CNTN5: variants seen among roughly 807,000 people sequenced by gnomAD.
CNTN5 encodes the protein contactin-5.
Under a neutral mutation model 129.1 loss-of-function variants are expected in CNTN5, and 77 were observed. The ratio of observed to expected loss-of-function variants is 0.60; its 90% confidence interval spans 0.50 to 0.72. The LOEUF (loss-of-function observed/expected upper bound fraction) is 0.72. Ranked by LOEUF, CNTN5 falls within the 30% of genes least tolerant of loss-of-function variation. The probability of loss-of-function intolerance (pLI) is 0.00; values close to 1 mark genes in which losing one functional copy is unlikely to be tolerated. For missense variants in CNTN5, 1,478 were observed against 1,328.8 expected (o/e 1.11, Z -1.75); for synonymous variants, 509 against 465.6 (o/e 1.09, Z -1.20).
At chr11:99,948,807 C>T (rs935603554) in intron 7 of CNTN5, among the ~76,000 whole-genome samples, 9 of 152,180 alleles carry the variant, frequency 5.9e-5, no homozygotes, top group Admixed American at 6.5e-5. Flanking sequence ...GACCTTCACC[C>T]GATGCGTGCG....
chr11:99,108,372 T>G (rs1384458358), intron 1 of CNTN5, among the ~76,000 whole-genome samples: 1 of 152,126 alleles, frequency 6.6e-6, no homozygotes, highest in Non-Finnish European at 1.5e-5. Flanking sequence ...GTTATTTTAT[T>G]AGACACAGCC....
chr11:99,856,726 A>G lies in CNTN5; in HGVS notation c.577+11464A>G, dbSNP rs561390752. On this transcript the variant is annotated intron_variant, in intron 6 of 24. Coordinates refer to ENST00000524871, the MANE Select transcript of CNTN5 (RefSeq NM_014361.4). ...TAAATCTATTCATATCCATAGGGAC[A>G]GGGTTAATGGCTTATGAAATGGTTA... Among the ~76,000 whole-genome samples the G allele has an allele frequency of 3.9e-5, 6 of 152,340 alleles. No individual in the cohort carries two copies. In the South Asian group the frequency reaches 1.2e-3, roughly 32 times the overall value.
At chr11:99,457,260 C>G (rs1434556683) in intron 2 of CNTN5, among the ~76,000 whole-genome samples, 1 of 151,852 alleles carries the variant, frequency 6.6e-6, no homozygotes, top group Non-Finnish European at 1.5e-5. Context: ...TAACCTCCCT[C>G]ATAATGAAAA....
At chr11:99,531,614 C>T (rs932066566) in intron 2 of CNTN5, among the ~76,000 whole-genome samples, 15 of 152,174 alleles carry the variant, frequency 9.9e-5, no homozygotes, top group Admixed American at 9.2e-4. Context: ...ACGGGCCAGG[C>T]CCAGCGTCCC....
intron 2 of CNTN5, among the ~76,000 whole-genome samples, chr11:99,456,191 T>TAGAA (rs1944491055): frequency 6.6e-6 from 1 of 152,130 alleles, no homozygotes; most frequent in Non-Finnish European, 1.5e-5. Context: ...GATGCAAACT[T>TAGAA]TTCTAAAACT....
At chr11:100,190,424 G>T (rs772460136) in intron 13 of CNTN5, among the ~76,000 whole-genome samples, 3 of 152,098 alleles carry the variant, frequency 2.0e-5, no homozygotes, top group Non-Finnish European at 4.4e-5. Context: ...AGGAGAATAC[G>T]TTAATTCCAA....
intron 8 of CNTN5, among the ~76,000 whole-genome samples, chr11:99,966,532 C>A (rs1951098735): frequency 6.6e-6 from 1 of 152,166 alleles, no homozygotes; most frequent in Non-Finnish European, 1.5e-5. Context: ...ATCTCCCATT[C>A]CCAGAGTGTA....
In CNTN5 at chr11:99,122,225, T is replaced by G. The variant is rs112195838; in HGVS notation, c.-210+100955T>G. 1.8e-4 allele frequency among the ~76,000 whole-genome samples: 27 copies of G among 152,266 alleles called. 1 individual carries two copies. The highest frequency in any genetic ancestry group is 5.8e-4 in the African/African-American group (24 of 41,550). On this transcript the variant is annotated intron_variant, in intron 1 of 24. Coordinates refer to ENST00000524871, the MANE Select transcript of CNTN5 (RefSeq NM_014361.4). ...GGTCCATACAGAGATTTACTATCCCTTGCTTTAGGAACAGTTGTCATAGTT... is the reference window on the plus strand; with the variant it reads ...GGTCCATACAGAGATTTACTATCCCGTGCTTTAGGAACAGTTGTCATAGTT...
At chr11:99,970,219 T>C (rs972764418) in intron 8 of CNTN5, among the ~76,000 whole-genome samples, 12 of 152,170 alleles carry the variant, frequency 7.9e-5, no homozygotes, top group Non-Finnish European at 1.8e-4. Context: ...TTTCTGTAGC[T>C]CACTTAAGAT....
intron 18 of CNTN5, among the ~76,000 whole-genome samples, chr11:100,296,975 A>G (rs900093506): frequency 6.6e-6 from 1 of 151,572 alleles, no homozygotes; most frequent in Non-Finnish European, 1.5e-5. Context: ...TCAACTGCAG[A>G]TTTCATGGTT....
chr11:99,484,320 A>T (rs1307683362), intron 2 of CNTN5, among the ~76,000 whole-genome samples: 1 of 152,228 alleles, frequency 6.6e-6, no homozygotes, highest in African/African-American at 2.4e-5. Context: ...AATCAAAACC[A>T]CAATGAGGTA....
intron 6 of CNTN5, among the ~76,000 whole-genome samples, chr11:99,886,896 T>C (rs55845612): frequency 0.064 from 9,753 of 152,208 alleles, 599 homozygotes; most frequent in East Asian, 0.27. Flanking sequence ...GAAACTTCTT[T>C]TTTTTAAAAA....
chr11:99,447,912 G>A (rs373971629), intron 2 of CNTN5, among the ~76,000 whole-genome samples: 2 of 152,188 alleles, frequency 1.3e-5, no homozygotes, highest in African/African-American at 2.4e-5. Context: ...GTAACAGGGC[G>A]AGACTCCGTC....
intron 13 of CNTN5, among the ~76,000 whole-genome samples, chr11:100,158,527 T>C (rs934152786): frequency 6.6e-6 from 1 of 151,850 alleles, no homozygotes; most frequent in Non-Finnish European, 1.5e-5. Context: ...TGCGATAAAG[T>C]AGAAAAATTG....
chr11:99,544,219 C>T (rs1210819974), intron 2 of CNTN5, among the ~76,000 whole-genome samples: 1 of 152,092 alleles, frequency 6.6e-6, no homozygotes, highest in African/African-American at 2.4e-5. Context: ...AAGTATAGCA[C>T]TGAGAAGACG....
intron 13 of CNTN5, among the ~76,000 whole-genome samples, chr11:100,156,887 T>G (rs1412082574): frequency 6.6e-6 from 1 of 152,022 alleles, no homozygotes; most frequent in African/African-American, 2.4e-5. Flanking sequence ...TCTTCTCTCT[T>G]TATCAGTCTG....
At position 99,845,136 on chromosome 11, in the gene CNTN5, A is replaced by G. The variant is rs779371179; in HGVS notation, c.451A>G (p.Ser151Gly). Residue 151 changes from serine to glycine, a missense_variant, in exon 6 of 25, where the codon AGT (serine) becomes GGT (glycine). Transcript: ENST00000524871. ...EIDLESDYRY[S>G]LIDGTFIISN... ...AGATCTGGAAAGTGATTATCGCTAC[A>G]GTTTGATAGATGGCACCTTCATTAT... 9 of 1,613,698 alleles carry G rather than the reference A, an allele frequency of 5.6e-6. No individual in the cohort carries two copies. Among genetic ancestry groups the G allele is most frequent in the Non-Finnish European group, 6.8e-6 (8 of 1,179,836 alleles).
chr11:99,353,030 C>T (rs1377829472), intron 2 of CNTN5, among the ~76,000 whole-genome samples: 1 of 152,152 alleles, frequency 6.6e-6, no homozygotes, highest in East Asian at 1.9e-4. Context: ...TCTTCTGTGC[C>T]ATCATTAGCC....
At chr11:99,903,412 T>C (rs954586506) in intron 6 of CNTN5, among the ~76,000 whole-genome samples, 1 of 151,770 alleles carries the variant, frequency 6.6e-6, no homozygotes, top group African/African-American at 2.4e-5. Context: ...CTGGATTGGA[T>C]TTGCAAAGGG....
Sources: allele counts gnomAD v4.1 joint callset (sites outside exome capture counted in the v4.1 genomes callset), GRCh38; gene constraint gnomAD v4.1.1; transcripts MANE v1.5; gene names NCBI Gene and HGNC (gene_info 2026-07-23, HGNC 2026-07-21).